LBR: variants seen among roughly 807,000 people sequenced by gnomAD.
LBR encodes delta(14)-sterol reductase LBR.
Under a neutral mutation model 74.3 loss-of-function variants are expected in LBR, and 28 were observed. The observed-to-expected ratio is 0.38, with a 90% CI of 0.28 to 0.52. The LOEUF is 0.52. LBR is among the 20% of genes least tolerant of loss of function. The pLI, the probability that LBR is intolerant of heterozygous loss-of-function variation, is 0.89. For missense variants in LBR, 717 were observed against 760.3 expected, an observed-to-expected ratio of 0.94 and a Z score of 0.67; for synonymous variants, 228 against 269.3, an observed-to-expected ratio of 0.85 and a Z score of 1.50.
At chr1:225,407,503 T>C (rs770382014) in intron 10 of LBR, among the ~76,000 whole-genome samples, 4 of 152,204 alleles carry the variant, frequency 2.6e-5, no homozygotes, top group Admixed American at 6.5e-5. Context: ...TCGCTTCTCA[T>C]GTAAATTAAT....
At chr1:225,416,387 ATAAC>A (rs2096117207) in intron 6 of LBR, among the ~76,000 whole-genome samples, 1 of 152,206 alleles carries the variant, frequency 6.6e-6, no homozygotes, top group African/African-American at 2.4e-5. Flanking sequence ...ACCCCACAAA[ATAAC>A]TATTCAGAAA....
At chr1:225,419,879 T>C in intron 3 of LBR, 81 bp from the exon 4 acceptor site, 1 of 1,013,030 alleles carries the variant, frequency 9.9e-7, no homozygotes, top group Non-Finnish European at 1.6e-6. Context: ...CTTACTGTTT[T>C]GGAATCAAGC....
chr1:225,405,961 G>T (rs983693179), intron 11 of LBR, among the ~76,000 whole-genome samples: 1 of 152,136 alleles, frequency 6.6e-6, no homozygotes, highest in Non-Finnish European at 1.5e-5. Context: ...AGTGTTTAGT[G>T]AACAGTGTAA....
intron 7 of LBR, chr1:225,414,308 G>A (rs1230417648): frequency 8.5e-6 from 3 of 352,538 alleles, no homozygotes; most frequent in Non-Finnish European, 1.7e-5. Flanking sequence ...AGTAGATGCT[G>A]CGTAAGTCTC....
intron 1 of LBR, among the ~76,000 whole-genome samples, chr1:225,427,105 G>A (rs16844880): frequency 6.6e-6 from 1 of 152,022 alleles, no homozygotes; most frequent in African/African-American, 2.4e-5. Context: ...TCCACGCGCG[G>A]ACCACGGTAT....
chr1:225,402,830 A>C lies in LBR; in HGVS notation c.*473T>G, dbSNP rs562482402. 5.6e-5 allele frequency: 9 copies of C among 160,798 alleles called. No homozygotes were observed. In the South Asian group the frequency reaches 8.6e-4, roughly 15 times the overall value. 10.0% of individuals were successfully genotyped at this position (160,798 alleles called of 1,614,324 possible). ...TATAGGCCCTTCTTTTTGCTTTCAA[A>C]TTATATAATTAGTAAAGGATTTAAA... On this transcript the variant is annotated 3_prime_UTR_variant, in exon 14 of 14. Transcript: ENST00000272163.
intron 8 of LBR, 131 bp from the exon 9 acceptor site, chr1:225,411,571 G>A: frequency 2.7e-6 from 2 of 745,018 alleles, no homozygotes; most frequent in Non-Finnish European, 4.9e-6. Flanking sequence ...CTCTGGTGGT[G>A]AGAGGCAGAC....
chr1:225,403,486 G>A, intron 13 of LBR, 23 bp from the exon 14 acceptor site: 1 of 1,554,340 alleles, frequency 6.4e-7, no homozygotes, highest in Non-Finnish European at 8.9e-7. Flanking sequence ...ATAGTACACA[G>A]TATTAGATAT....
intron 9 of LBR, 108 bp from the exon 10 acceptor site, chr1:225,410,524 G>GT (rs769583608): frequency 1.4e-5 from 16 of 1,172,676 alleles, no homozygotes; most frequent in South Asian, 2.5e-5. Flanking sequence ...AGACGCCACC[G>GT]TAACTCCTAC....
chr1:225,422,493 C>T (rs1229628666), intron 2 of LBR: 2 of 577,438 alleles, frequency 3.5e-6, no homozygotes, highest in Non-Finnish European at 6.2e-6. Flanking sequence ...CTTTCCATTC[C>T]TGTTCTTTGA....
chr1:225,404,557 A>C, intron 12 of LBR, 31 bp from the exon 13 acceptor site: 1 of 1,573,820 alleles, frequency 6.4e-7, no homozygotes, highest in South Asian at 1.1e-5. Context: ...ATTTTTAATG[A>C]TGTCGAGACA....
chr1:225,417,044 C>T (rs1183096602), intron 6 of LBR, among the ~76,000 whole-genome samples: 2 of 152,034 alleles, frequency 1.3e-5, no homozygotes, highest in Admixed American at 6.6e-5. Flanking sequence ...TGAGTATATA[C>T]ATATATGACT....
At chr1:225,403,927 C>T in intron 13 of LBR, among the ~76,000 whole-genome samples, 1 of 147,232 alleles carries the variant, frequency 6.8e-6, no homozygotes, top group Non-Finnish European at 1.5e-5. Context: ...CCCCCAGCTC[C>T]CCTGGCTCCA....
chr1:225,418,663 A>G lies in LBR; in HGVS notation c.641-483T>C, dbSNP rs573694729. ...GCATCTGTAACAGGCCAGCTAGCCA[A>G]AGGTTATAACAAAATACAAAGCAAT... is the stretch of plus-strand genomic sequence containing the variant. On this transcript the variant is annotated intron_variant, in intron 5 of 13. Transcript: ENST00000272163. Among the ~76,000 whole-genome samples, 262 of 152,360 alleles carry G rather than the reference A, an allele frequency of 1.7e-3. 4 individuals carry two copies. Among genetic ancestry groups the G allele is most frequent in the Admixed American group, 0.015 (236 of 15,306 alleles).
chr1:225,422,363 AG>A, intron 2 of LBR, 86 bp from the exon 3 acceptor site: 1 of 1,050,590 alleles, frequency 9.5e-7, no homozygotes, highest in Non-Finnish European at 1.4e-6. Context: ...TAACAAAGGC[AG>A]GAACTGCTAC....
chr1:225,403,536 C>A, intron 13 of LBR, 73 bp from the exon 14 acceptor site: 2 of 1,243,120 alleles, frequency 1.6e-6, no homozygotes, highest in Admixed American at 1.8e-5. Context: ...TGCTTTCCCC[C>A]AAATTCTCTA....
At chr1:225,421,790 A>C (rs909197846) in intron 3 of LBR, among the ~76,000 whole-genome samples, 9 of 152,240 alleles carry the variant, frequency 5.9e-5, no homozygotes, top group Non-Finnish European at 1.2e-4. Context: ...TATACACTGT[A>C]AAAACCTTAC....
chr1:225,413,886 T>C (rs1052386961), intron 7 of LBR: 11 of 453,034 alleles, frequency 2.4e-5, no homozygotes, highest in African/African-American at 2.2e-4. Context: ...GTCCAAGTGC[T>C]GTGCTCAGTC....
At chr1:225,416,953 C>A (rs577814296) in intron 6 of LBR, among the ~76,000 whole-genome samples, 1 of 152,230 alleles carries the variant, frequency 6.6e-6, no homozygotes, top group Admixed American at 6.5e-5. Flanking sequence ...GGTCCTGGAA[C>A]CACTCCCCAA....
Sources: allele counts gnomAD v4.1 joint callset (sites outside exome capture counted in the v4.1 genomes callset), GRCh38; gene constraint gnomAD v4.1.1; transcripts MANE v1.5; gene names NCBI Gene and HGNC (gene_info 2026-07-23, HGNC 2026-07-21).